OLFM3: variants seen among roughly 807,000 people sequenced by gnomAD.
OLFM3 encodes the protein noelin-3.
In OLFM3, 20 loss-of-function variants were observed where a neutral mutation model predicts 48.6. That is an observed-to-expected ratio of 0.41 (90% CI 0.29 to 0.60). The LOEUF (loss-of-function observed/expected upper bound fraction) is 0.60. OLFM3 is among the 20% of genes least tolerant of loss of function. OLFM3 has a pLI of 0.28. For missense variants in OLFM3, 437 were observed against 544.3 expected (o/e 0.80, Z 1.96); for synonymous variants, 222 against 198.1 (o/e 1.12, Z -1.01).
At chr1:101,981,355 A>G (rs1309039569) in intron 1 of OLFM3, among the ~76,000 whole-genome samples, 1 of 152,168 alleles carries the variant, frequency 6.6e-6, no homozygotes, top group Non-Finnish European at 1.5e-5. Context: ...CTGCATTCCC[A>G]TTTTAAAACA....
At chr1:101,824,865 C>A (rs1008471999) in intron 4 of OLFM3, among the ~76,000 whole-genome samples, 161 bp downstream of exon 4, 1 of 152,160 alleles carries the variant, frequency 6.6e-6, no homozygotes, top group East Asian at 1.9e-4. Context: ...CACAGAGTAC[C>A]CAGACATGCT....
chr1:101,832,707 G>C (rs1362055936), intron 2 of OLFM3, among the ~76,000 whole-genome samples: 4 of 152,082 alleles, frequency 2.6e-5, no homozygotes, highest in African/African-American at 9.7e-5. Flanking sequence ...AAATTATCTT[G>C]GGTTTGTAAT....
At chr1:101,812,389 T>C (rs1257821264) in intron 4 of OLFM3, 1 of 981,564 alleles carries the variant, frequency 1.0e-6, no homozygotes, top group African/African-American at 1.8e-5. Context: ...CCAGCGAAAC[T>C]GCCTCCTATG....
intron 1 of OLFM3, among the ~76,000 whole-genome samples, chr1:101,907,152 T>G (rs1658581216): frequency 6.6e-6 from 1 of 152,216 alleles, no homozygotes; most frequent in Non-Finnish European, 1.5e-5. Context: ...TTTTAGCATT[T>G]TTTTGCCATG....
At chr1:101,934,253 A>G (rs1659543268) in intron 1 of OLFM3, among the ~76,000 whole-genome samples, 1 of 152,202 alleles carries the variant, frequency 6.6e-6, no homozygotes, top group Non-Finnish European at 1.5e-5. Flanking sequence ...ACAGCCTCAA[A>G]TAAAGGGTGG....
At chr1:101,819,347 G>A (rs1017343051) in intron 4 of OLFM3, among the ~76,000 whole-genome samples, 1 of 152,124 alleles carries the variant, frequency 6.6e-6, no homozygotes, top group Non-Finnish European at 1.5e-5. Flanking sequence ...ATGCAAAGGT[G>A]TTTGGATTCC....
intron 2 of OLFM3, among the ~76,000 whole-genome samples, chr1:101,831,376 G>A (rs1000009665): frequency 1.3e-5 from 2 of 152,158 alleles, no homozygotes; most frequent in African/African-American, 4.8e-5. Flanking sequence ...AAATTGGACA[G>A]CATAGTGTTT....
At chr1:101,853,321 A>C (rs1570564135) in intron 1 of OLFM3, among the ~76,000 whole-genome samples, 1 of 151,764 alleles carries the variant, frequency 6.6e-6, no homozygotes, top group East Asian at 1.9e-4. Flanking sequence ...ATATCTTCTC[A>C]CTTCTTTTTC....
chr1:101,866,368 T>C (rs1487474359), intron 1 of OLFM3, among the ~76,000 whole-genome samples: 2 of 152,124 alleles, frequency 1.3e-5, no homozygotes, highest in Admixed American at 6.6e-5. Flanking sequence ...ATAAAATATC[T>C]TCAATATTAT....
chr1:101,948,452 TGAGAGAGAGAGA>T (rs141817550), intron 1 of OLFM3, among the ~76,000 whole-genome samples: 2 of 149,894 alleles, frequency 1.3e-5, no homozygotes, highest in Admixed American at 1.3e-4. Context: ...AAGACTTGTA[TGAGAGAGAGAGA>T]GAGAGAGAGT....
intron 4 of OLFM3, among the ~76,000 whole-genome samples, chr1:101,819,580 A>G (rs893461183): frequency 6.6e-6 from 1 of 152,030 alleles, no homozygotes; most frequent in African/African-American, 2.4e-5. Flanking sequence ...GAGATAAAAG[A>G]TGTGGCGATT....
chr1:101,903,728 T>C (rs1658463849), intron 1 of OLFM3, among the ~76,000 whole-genome samples: 1 of 152,068 alleles, frequency 6.6e-6, no homozygotes, highest in South Asian at 2.1e-4. Flanking sequence ...TTTGTAAAAA[T>C]ACAGCTTTAT....
At chr1:101,837,670 C>T (rs1044033352) in intron 1 of OLFM3, 2 of 152,186 alleles carry the variant, frequency 1.3e-5, no homozygotes, top group African/African-American at 2.4e-5. Context: ...CTTCTTAGAA[C>T]TCAAGTGTGA....
intron 1 of OLFM3, among the ~76,000 whole-genome samples, chr1:101,909,669 A>G (rs1435278846): frequency 6.6e-6 from 1 of 152,202 alleles, no homozygotes; most frequent in Non-Finnish European, 1.5e-5. Flanking sequence ...TAAATATTGA[A>G]GTGCTTATTA....
chr1:101,839,097 T>C (rs1486055257), intron 1 of OLFM3, among the ~76,000 whole-genome samples: 1 of 152,228 alleles, frequency 6.6e-6, no homozygotes. Flanking sequence ...CTTGATCTAT[T>C]ACGTAAAGGA....
intron 1 of OLFM3, among the ~76,000 whole-genome samples, chr1:101,951,505 G>A (rs1448214685): frequency 1.8e-4 from 28 of 152,118 alleles, no homozygotes; most frequent in African/African-American, 6.8e-4. Context: ...GATGTTGGCA[G>A]GGGTTCCTGT....
At chr1:101,950,221 A>G (rs183370383) in intron 1 of OLFM3, among the ~76,000 whole-genome samples, 240 of 152,194 alleles carry the variant, frequency 1.6e-3, no homozygotes, top group African/African-American at 5.5e-3. Flanking sequence ...ACTCACCAAC[A>G]TGGTTCACCA....
chr1:101,996,911 C>G lies in OLFM3; in HGVS notation c.-95G>C. The G allele has an allele frequency of 6.1e-6, 8 of 1,312,684 alleles. No homozygotes were observed. Among genetic ancestry groups the G allele is most frequent in the Non-Finnish European group, 8.7e-6 (8 of 917,192 alleles). The allele number at this position is 1,312,684 out of a possible 1,614,324, so 81.3% of individuals were successfully genotyped here. ...CCTCGTCAGTTGCACTTTCTGCCTG[C>G]CAGTCAGAGCCGAGTGGAAGCAGAG... is the stretch of plus-strand genomic sequence containing the variant. On this transcript the variant is annotated 5_prime_UTR_variant, in exon 1 of 6. Transcript: ENST00000370103.
intron 1 of OLFM3, among the ~76,000 whole-genome samples, chr1:101,930,031 A>T (rs1381531442): frequency 1.3e-5 from 2 of 152,158 alleles, no homozygotes; most frequent in African/African-American, 4.8e-5. Flanking sequence ...AAAGAGAATG[A>T]AAAGGGACCT....
Sources: gnomAD v4.1 joint callset for allele counts (sites outside exome capture counted in the v4.1 genomes callset) on GRCh38, gnomAD v4.1.1 for gene constraint, MANE v1.5 for transcripts, NCBI Gene and HGNC (gene_info 2026-07-23, HGNC 2026-07-21) for gene names.